Variants in MTUS2 observed in about 807,000 individuals in gnomAD.
MTUS2 encodes the protein microtubule associated scaffold protein 2, also known as microtubule-associated tumor suppressor candidate 2.
MTUS2 carries 40 observed loss-of-function variants against 114.1 expected under a neutral mutation model. The observed-to-expected ratio is 0.35, with a 90% CI of 0.27 to 0.46. The LOEUF is 0.46. Ranked by LOEUF, MTUS2 falls within the 20% of genes least tolerant of loss-of-function variation. The pLI is 1.00. For synonymous variants in MTUS2, 688 were observed against 672.0 expected (o/e 1.02, Z -0.37); for missense variants, 1,679 against 1,705.4 (o/e 0.98, Z 0.27).
chr13:29,106,229 T>C (rs991131503), intron 5 of MTUS2, among the ~76,000 whole-genome samples: 11 of 152,214 alleles, frequency 7.2e-5, no homozygotes, highest in Non-Finnish European at 1.6e-4. Context: ...CACTGCAAAC[T>C]GAACACTTTT....
chr13:29,459,863 C>T (rs1682740553), intron 9 of MTUS2, among the ~76,000 whole-genome samples: 1 of 152,060 alleles, frequency 6.6e-6, no homozygotes, highest in African/African-American at 2.4e-5. Flanking sequence ...AGCCACATGC[C>T]CCTTGGAAGT....
At chr13:29,042,088 T>C (rs766474895) in intron 4 of MTUS2, among the ~76,000 whole-genome samples, 2 of 152,196 alleles carry the variant, frequency 1.3e-5, no homozygotes, top group Non-Finnish European at 2.9e-5. Context: ...TTCAGTATAA[T>C]GTTGGCTGTG....
chr13:29,301,679 G>C (rs1204923647), intron 6 of MTUS2, among the ~76,000 whole-genome samples: 1 of 152,090 alleles, frequency 6.6e-6, no homozygotes, highest in Non-Finnish European at 1.5e-5. Flanking sequence ...ATTGGAAAAA[G>C]GAAAATAACA....
chr13:28,977,162 G>A (rs973008818), intron 2 of MTUS2, among the ~76,000 whole-genome samples: 8 of 152,220 alleles, frequency 5.3e-5, no homozygotes, highest in African/African-American at 1.9e-4. Flanking sequence ...TCATTGCGGG[G>A]GAGAGGGGAT....
chr13:29,362,336 C>A (rs1203148860), intron 8 of MTUS2, among the ~76,000 whole-genome samples: 2 of 152,044 alleles, frequency 1.3e-5, no homozygotes, highest in East Asian at 3.9e-4. Context: ...TTTCTGAGTA[C>A]AAAGAAATCT....
chr13:28,975,070 C>T (rs1002906122), intron 2 of MTUS2, among the ~76,000 whole-genome samples: 1 of 152,138 alleles, frequency 6.6e-6, no homozygotes, highest in East Asian at 1.9e-4. Context: ...TTTGATCAAG[C>T]CCAGGAAATT....
intron 6 of MTUS2, among the ~76,000 whole-genome samples, chr13:29,298,379 T>C (rs1313488662): frequency 6.6e-6 from 1 of 152,190 alleles, no homozygotes; most frequent in Non-Finnish European, 1.5e-5. Flanking sequence ...GTCATAAAAA[T>C]TAATTTTGCT....
At chr13:28,844,624 T>TGA (rs925336277) in intron 2 of MTUS2, among the ~76,000 whole-genome samples, 12 of 151,540 alleles carry the variant, frequency 7.9e-5, no homozygotes, top group East Asian at 3.9e-4. Context: ...TGTGTGTGTG[T>TGA]GAGAGAGAGA....
chr13:29,017,139 G>A (rs539591792), intron 2 of MTUS2, among the ~76,000 whole-genome samples: 1 of 152,292 alleles, frequency 6.6e-6, no homozygotes, highest in East Asian at 1.9e-4. Flanking sequence ...CCTATTAAAT[G>A]TGGCAAAACA....
At chr13:29,319,116 G>A (rs779086438) in intron 6 of MTUS2, among the ~76,000 whole-genome samples, 7 of 152,090 alleles carry the variant, frequency 4.6e-5, no homozygotes, top group Non-Finnish European at 1.0e-4. Flanking sequence ...ACCAACATAC[G>A]GCCCCATGAG....
intron 2 of MTUS2, among the ~76,000 whole-genome samples, chr13:28,875,383 A>G (rs1877870645): frequency 6.6e-6 from 1 of 152,378 alleles, no homozygotes; most frequent in Admixed American, 6.5e-5. Context: ...AGTAGATGCT[A>G]TTGGTTCTTG....
intron 4 of MTUS2, among the ~76,000 whole-genome samples, chr13:29,084,238 TA>T (rs1272531363): frequency 1.3e-5 from 2 of 152,190 alleles, no homozygotes; most frequent in Non-Finnish European, 2.9e-5. Context: ...TTACGTTGTA[TA>T]AATTCTTTTA....
intron 5 of MTUS2, among the ~76,000 whole-genome samples, chr13:29,118,667 G>A (rs1209559366): frequency 1.3e-5 from 2 of 152,210 alleles, no homozygotes; most frequent in Admixed American, 6.5e-5. Context: ...CTGGAGAGCA[G>A]TGGGGGTGGT....
chr13:29,355,757 G>A (rs1400213195), intron 7 of MTUS2, among the ~76,000 whole-genome samples: 8 of 152,156 alleles, frequency 5.3e-5, no homozygotes. Flanking sequence ...ACTAATCTAG[G>A]TATTTCTGCT....
chr13:29,394,457 C>G (rs565097311), intron 8 of MTUS2, among the ~76,000 whole-genome samples: 1 of 152,302 alleles, frequency 6.6e-6, no homozygotes, highest in South Asian at 2.1e-4. Flanking sequence ...AAAGTAATGT[C>G]TGGGTTAAGG....
intron 4 of MTUS2, among the ~76,000 whole-genome samples, chr13:29,078,870 C>G (rs904833243): frequency 2.0e-5 from 3 of 152,180 alleles, no homozygotes; most frequent in African/African-American, 7.2e-5. Flanking sequence ...ACTTTTGTCT[C>G]TTATGAATAA....
At chr13:29,366,623 C>T (rs943791768) in intron 8 of MTUS2, among the ~76,000 whole-genome samples, 3 of 152,108 alleles carry the variant, frequency 2.0e-5, no homozygotes, top group African/African-American at 7.2e-5. Flanking sequence ...TGGTATGGGA[C>T]CATCACGGTT....
chr13:29,027,024 C>T (rs1886592755), intron 3 of MTUS2, 121 bp downstream of exon 3: 3 of 1,071,344 alleles, frequency 2.8e-6, no homozygotes, highest in Non-Finnish European at 3.9e-6. Context: ...TTCATGGATA[C>T]ACTTGTGAAG....
intron 2 of MTUS2, among the ~76,000 whole-genome samples, chr13:28,957,747 G>T (rs768640680): frequency 3.3e-5 from 5 of 152,168 alleles, no homozygotes; most frequent in South Asian, 2.1e-4. Flanking sequence ...CAGGTAACTT[G>T]CCAAGGCCAC....
Sources: gnomAD v4.1 joint callset for allele counts (sites outside exome capture counted in the v4.1 genomes callset) on GRCh38, gnomAD v4.1.1 for gene constraint, MANE v1.5 for transcripts, NCBI Gene and HGNC (gene_info 2026-07-23, HGNC 2026-07-21) for gene names.